CNTNAP1: variants seen among roughly 807,000 people sequenced by gnomAD.
CNTNAP1 encodes contactin-associated protein 1.
Under a neutral mutation model 161.5 loss-of-function variants are expected in CNTNAP1, and 80 were observed. The ratio of observed to expected loss-of-function variants is 0.50; its 90% CI spans 0.41 to 0.60. The LOEUF (loss-of-function observed/expected upper bound fraction) is 0.60, where lower values mean the gene tolerates loss of function less well. Ranked by LOEUF, CNTNAP1 falls within the 20% of genes least tolerant of loss-of-function variation. CNTNAP1 has a pLI of 0.00. For missense variants in CNTNAP1, 1,464 were observed against 1,854.8 expected, an observed-to-expected ratio of 0.79 and a Z score of 3.87; for synonymous variants, 695 against 733.1, an observed-to-expected ratio of 0.95 and a Z score of 0.84.
chr17:42,697,139 T>G, intron 20 of CNTNAP1, 135 bp from the exon 21 acceptor site: 1 of 697,648 alleles, frequency 1.4e-6, no homozygotes, highest in Non-Finnish European at 2.5e-6. Flanking sequence ...ACCGCCAGTT[T>G]GGACAGAATG....
rs376464742 is a variant in CNTNAP1 at position 42,691,970 on chromosome 17, T to C, written c.2509T>C (p.Tyr837His). 214 of 1,613,860 alleles carry C rather than the reference T, an allele frequency of 1.3e-4. No homozygotes were observed. Among genetic ancestry groups the C allele is most frequent in the Non-Finnish European group, 1.8e-4 (211 of 1,179,946 alleles). Reference protein sequence around the residue: ...GGPYCQWRRPYVRVELNTSRD... With the variant: ...GGPYCQWRRPHVRVELNTSRD... The stretch of plus-strand genomic sequence containing the variant: ...CCCTTACTGCCAGTGGCGCCGACCT[T>C]ATGTGCGGGTGGAACTCAACAGTGA... Residue 837 changes from tyrosine (Y) to histidine (H), a missense_variant, in exon 16 of 24, where the codon TAT (tyrosine) becomes CAT (histidine). By Grantham distance (83) the Tyr-to-His change is moderately conservative. Coordinates refer to ENST00000264638, the MANE Select transcript of CNTNAP1 (RefSeq NM_003632.3). This position sits in a 1 kb window ranked among gnomAD's most constrained non-coding sequence, Gnocchi z 4.3.
Position 42,685,295 on chromosome 17 carries a change from A to G in CNTNAP1, c.590A>G (p.Asp197Gly), listed in dbSNP as rs2052991455. 6.2e-7 allele frequency: 1 copy of G among 1,613,360 alleles called. No homozygotes were observed. Among genetic ancestry groups the G allele is most frequent in the Admixed American group, 1.7e-5 (1 of 60,010 alleles). Residue 197 changes from aspartate (D) to glycine (G), a missense_variant, in exon 5 of 24, where the codon GAC becomes GGC. By Grantham distance (94) the Asp-to-Gly change is moderately conservative. This residue lies in a region of CNTNAP1 where 1,383 missense variants were observed against 1,765.0 expected (regional missense o/e 0.78). Transcript: ENST00000264638. This position sits in a 1 kb window ranked among gnomAD's most constrained non-coding sequence, Gnocchi z 5.0. The stretch of plus-strand genomic sequence containing the variant: ...CGAGGGGTCAGCCGAAGCCTGTGGG[A>G]CGTGTTCGCCTTCAGCTTCAAGACC... Reference protein sequence around the residue: ...FPRGVSRSLWDVFAFSFKTEE... With the variant: ...FPRGVSRSLWGVFAFSFKTEE...
chr17:42,684,859 A>G, intron 3 of CNTNAP1, 132 bp from the exon 4 acceptor site: 2 of 1,003,998 alleles, frequency 2.0e-6, no homozygotes, highest in South Asian at 3.4e-5. Flanking sequence ...CGGGAGGCAG[A>G]GGTTGCGGTG....
At chr17:42,694,197 G>C (rs1255479170) in intron 18 of CNTNAP1, among the ~76,000 whole-genome samples, 1 of 148,828 alleles carries the variant, frequency 6.7e-6, no homozygotes, top group Non-Finnish European at 1.5e-5. Flanking sequence ...TTGAGACTGA[G>C]TTTCACTCTT....
chr17:42,682,812 CGG>C lies in CNTNAP1; in HGVS notation c.-16_-15del, dbSNP rs1238511885. 22 of 1,559,416 alleles carry C rather than the reference CGG, an allele frequency of 1.4e-5. No individual in the cohort carries two copies. Among genetic ancestry groups the C allele is most frequent in the Non-Finnish European group, 1.8e-5 (21 of 1,154,354 alleles). On this transcript the variant is annotated 5_prime_UTR_variant, in exon 1 of 24. Coordinates refer to ENST00000264638, the MANE Select transcript of CNTNAP1 (RefSeq NM_003632.3). ...GAGCCGTTCACAGGGAGGCGGCTGC[CGG>C]GACCGTCAGCCCTGCATGATGCATC...
intron 20 of CNTNAP1, among the ~76,000 whole-genome samples, chr17:42,696,595 T>A (rs916766662): frequency 6.6e-6 from 1 of 152,136 alleles, no homozygotes; most frequent in African/African-American, 2.4e-5. Flanking sequence ...AGTGCTGGGA[T>A]TATAAGCGTG....
chr17:42,683,958 C>A (rs375021461), intron 2 of CNTNAP1, 36 bp downstream of exon 2: 125 of 1,612,264 alleles, frequency 7.8e-5, no homozygotes, highest in Non-Finnish European at 1.0e-4. Flanking sequence ...CAACTGGCAG[C>A]GCACCGCGGA....
At position 42,682,653 on chromosome 17, in the gene CNTNAP1, A is replaced by G; in HGVS notation, c.-177A>G. ...AGGAACCAGAGAGAGAGAGAGAGAA[A>G]AGAGAGAGGAGAGACAGAGCGCTTG... On this transcript the variant is annotated 5_prime_UTR_variant, in exon 1 of 24. Transcript: ENST00000264638. The G allele has an allele frequency of 3.2e-6, 2 of 619,960 alleles. No individual in the cohort carries two copies. The highest frequency in any genetic ancestry group is 3.7e-5 in the South Asian group (2 of 54,108). The allele number at this position is 619,960 out of a possible 1,614,324, so 38.4% of individuals were successfully genotyped here.
intron 8 of CNTNAP1, 83 bp from the exon 9 acceptor site, chr17:42,688,379 G>A: frequency 1.3e-6 from 2 of 1,579,310 alleles, no homozygotes; most frequent in South Asian, 1.1e-5. Flanking sequence ...GGACACAGTG[G>A]GGCTGCTGCT....
Position 42,687,194 on chromosome 17 carries a change from C to T in CNTNAP1, c.1044+148C>T. On this transcript the variant is annotated intron_variant, in intron 7 of 23. Coordinates refer to ENST00000264638, the MANE Select transcript of CNTNAP1 (RefSeq NM_003632.3). The surrounding 1 kb of genome is among the most constrained non-coding windows in gnomAD (Gnocchi z 4.7). Reference sequence around the variant, plus strand: ...TGCTCAAGTTGGGAGGGGAGCGGGTCTCACCTGAGGTGCATGAGCCACGCA... The same window carrying T: ...TGCTCAAGTTGGGAGGGGAGCGGGTTTCACCTGAGGTGCATGAGCCACGCA... The T allele has an allele frequency of 2.1e-5, 24 of 1,167,712 alleles. No individual in the cohort carries two copies. In the South Asian group the frequency reaches 3.3e-4, roughly 16 times the overall value. 72.3% of individuals were successfully genotyped at this position (1,167,712 alleles called of 1,614,324 possible). A position where few individuals can be genotyped will look rare whatever the true frequency, so the allele number is the denominator to read the frequency against.
chr17:42,691,926 T>C lies in CNTNAP1; in HGVS notation c.2465T>C (p.Phe822Ser). The change falls in exon 16 of 24, where the codon TTC becomes TCC. Residue 822 changes from phenylalanine (F) to serine (S), a missense_variant. Around this residue, in one of 3 missense-constraint regions of CNTNAP1, gnomAD observed 1,383 missense variants for 1,765.0 expected, o/e 0.78. Transcript: ENST00000264638. The surrounding 1 kb of genome is among the most constrained non-coding windows in gnomAD (Gnocchi z 4.3). ...AGGACCTCTGCTCCCTCGGGGGTCT[T>C]CCTAGAGAATATGGGGGGCCCTTAC... ...YFRTSAPSGV[F>S]LENMGGPYCQ... is the part of the protein sequence containing the mutation. The C allele has an allele frequency of 6.2e-7, 1 of 1,614,114 alleles. No homozygotes were observed. Among genetic ancestry groups the C allele is most frequent in the Non-Finnish European group, 8.5e-7 (1 of 1,180,010 alleles).
chr17:42,692,521 C>T lies in CNTNAP1; in HGVS notation c.2553C>T (p.Ala851=), dbSNP rs138783533. The T allele has an allele frequency of 2.3e-4, 373 of 1,613,998 alleles. No homozygotes were observed. Among genetic ancestry groups the T allele is most frequent in the Non-Finnish European group, 3.0e-4 (349 of 1,179,992 alleles). Residue 851 remains alanine (A), a synonymous_variant, in exon 17 of 24, where the codon GCC becomes GCT. Coordinates refer to ENST00000264638, the MANE Select transcript of CNTNAP1 (RefSeq NM_003632.3). The part of the protein sequence containing the change: ...ELNTSRDVVF[A]FDVGNGDENL... The stretch of plus-strand genomic sequence containing the variant: ...CAGCATCCCGGGATGTGGTCTTCGC[C>T]TTTGATGTGGGGAATGGGGATGAGA...
chr17:42,687,866 TCTC>T lies in CNTNAP1; in HGVS notation c.1194_1196del (p.Leu399del). On this transcript the variant is annotated inframe_deletion, in exon 8 of 24. Coordinates refer to ENST00000264638, the MANE Select transcript of CNTNAP1 (RefSeq NM_003632.3). This position sits in a 1 kb window ranked among gnomAD's most constrained non-coding sequence, Gnocchi z 4.7. ...TCCGCACCTGGGACCTCACCGGGCT[TCTC>T]CTTTTCTCCCGTCTGGGGGACGGGC... 3 of 1,614,110 alleles carry T rather than the reference TCTC, an allele frequency of 1.9e-6. No individual in the cohort carries two copies. The highest frequency in any genetic ancestry group is 2.5e-6 in the Non-Finnish European group (3 of 1,180,006).
chr17:42,685,366 G>A lies in CNTNAP1; in HGVS notation c.661G>A (p.Asp221Asn), dbSNP rs761328167. Residue 221 changes from aspartate to asparagine, a missense_variant, in exon 5 of 24, where the codon GAC becomes AAC. By Grantham distance (23) the Asp-to-Asn change is conservative. Around this residue, in one of 3 missense-constraint regions of CNTNAP1, gnomAD observed 1,383 missense variants for 1,765.0 expected, o/e 0.78. Coordinates refer to ENST00000264638, the MANE Select transcript of CNTNAP1 (RefSeq NM_003632.3). This position sits in a 1 kb window ranked among gnomAD's most constrained non-coding sequence, Gnocchi z 5.0. ...GCTGCACGCCGAGGGCGCCCAGGGC[G>A]ACTACGTGACGCTCGAGCTGGAGGG... is the stretch of plus-strand genomic sequence containing the variant. Reference protein sequence around the residue: ...LLLHAEGAQGDYVTLELEGAH... With the variant: ...LLLHAEGAQGNYVTLELEGAH... 3 of 1,607,838 alleles carry A rather than the reference G, an allele frequency of 1.9e-6. No homozygotes were observed. The highest frequency in any genetic ancestry group is 1.7e-6 in the Non-Finnish European group (2 of 1,179,980).
rs2052995818 is a variant in CNTNAP1 at position 42,685,586 on chromosome 17, G to A, written c.715+166G>A. On this transcript the variant is annotated intron_variant, in intron 5 of 23. Transcript: ENST00000264638. This position sits in a 1 kb window ranked among gnomAD's most constrained non-coding sequence, Gnocchi z 5.0. ...TAGCATTTGGTGCTAGCAAAACACT[G>A]GAGTTGAGTGAGAACTGGATTCCAG... Among the ~76,000 whole-genome samples, 1 of 152,190 alleles carries A rather than the reference G, an allele frequency of 6.6e-6. No homozygotes were observed. The highest frequency in any genetic ancestry group is 2.4e-5 in the African/African-American group (1 of 41,446).
At chr17:42,693,081 C>T (rs1033125178) in intron 17 of CNTNAP1, among the ~76,000 whole-genome samples, 1 of 152,082 alleles carries the variant, frequency 6.6e-6, no homozygotes, top group Non-Finnish European at 1.5e-5. Flanking sequence ...CTCAGCCTCC[C>T]GAGTAGCTGG....
In CNTNAP1 at chr17:42,686,961, T is replaced by C. The variant is rs1340550337; in HGVS notation, c.959T>C (p.Phe320Ser). 2 of 1,613,840 alleles carry C rather than the reference T, an allele frequency of 1.2e-6. No homozygotes were observed. Among genetic ancestry groups the C allele is most frequent in the Non-Finnish European group, 1.7e-6 (2 of 1,179,884 alleles). ...AAGAACCTGGCCTATCGGCATAACTTCCGCGGCTGCATAGAAAACGTAATC... is the reference window on the plus strand; with the variant it reads ...AAGAACCTGGCCTATCGGCATAACTCCCGCGGCTGCATAGAAAACGTAATC... ...ARKNLAYRHNFRGCIENVIFN... is the reference protein window; with the variant it reads ...ARKNLAYRHNSRGCIENVIFN... The change falls in exon 7 of 24, where the codon TTC (phenylalanine) becomes TCC (serine). Residue 320 changes from phenylalanine (F) to serine (S), a missense_variant. Physicochemically the swap from Phe to Ser is radical, Grantham distance 155 (BLOSUM62 -2). Coordinates refer to ENST00000264638, the MANE Select transcript of CNTNAP1 (RefSeq NM_003632.3).
chr17:42,696,061 C>T lies in CNTNAP1; in HGVS notation c.3383C>T (p.Pro1128Leu). 1 of 1,614,158 alleles carries T rather than the reference C, an allele frequency of 6.2e-7. No individual in the cohort carries two copies. ...CTGCGATATCAGCTGGGCACCAGTC[C>T]CTACGTGTACCAGCTAACCACTCGA... ...LQLRYQLGTS[P>L]YVYQLTTRPV... The change falls in exon 20 of 24, where the codon CCC becomes CTC. Residue 1128 changes from proline (P) to leucine (L), a missense_variant. Physicochemically the swap from Pro to Leu is moderately conservative, Grantham distance 98 (BLOSUM62 -3). Coordinates refer to ENST00000264638, the MANE Select transcript of CNTNAP1 (RefSeq NM_003632.3).
At position 42,688,606 on chromosome 17, in the gene CNTNAP1, T is replaced by C. The variant is rs1392191065; in HGVS notation, c.1451T>C (p.Phe484Ser). Residue 484 changes from phenylalanine to serine, a missense_variant, in exon 9 of 24, where the codon TTT becomes TCT. Physicochemically the swap from Phe to Ser is radical, Grantham distance 155 (BLOSUM62 -2). Transcript: ENST00000264638. ...ATCCGGACAGGGACCTCATATTTCT[T>C]TGGGGGTAAGTGGGGGCCAACCTGA... ...LLIRTGTSYF[F>S]GGCPKPASRW... The C allele has an allele frequency of 1.2e-6, 2 of 1,614,054 alleles. No individual in the cohort carries two copies. Among genetic ancestry groups the C allele is most frequent in the Non-Finnish European group, 1.7e-6 (2 of 1,179,976 alleles).
Sources: allele counts gnomAD v4.1 joint callset (sites outside exome capture counted in the v4.1 genomes callset), GRCh38; gene constraint gnomAD v4.1.1; regional missense constraint gnomAD v4.1.1; non-coding constraint Gnocchi (gnomAD v3.1); transcripts MANE v1.5; gene names NCBI Gene and HGNC (gene_info 2026-07-23, HGNC 2026-07-21).